The following PDE10A variants were observed in gnomAD, a reference collection of about 807,000 sequenced individuals.
PDE10A encodes cAMP and cAMP-inhibited cGMP 3',5'-cyclic phosphodiesterase 10A.
A neutral mutation model predicts 97.7 loss-of-function variants in PDE10A; 39 were observed. That is an observed-to-expected ratio of 0.40 (90% confidence interval 0.31 to 0.52). The LOEUF is 0.52. PDE10A is among the 20% of genes least tolerant of loss of function. PDE10A has a pLI of 0.56. For synonymous variants in PDE10A, 371 were observed against 376.8 expected (o/e 0.98, Z 0.18); for missense variants, 731 against 1,047.8 (o/e 0.70, Z 4.17).
intron 1 of PDE10A, among the ~76,000 whole-genome samples, chr6:165,915,396 C>T (rs747180984): frequency 6.6e-6 from 1 of 152,180 alleles, no homozygotes; most frequent in South Asian, 2.1e-4. Flanking sequence ...GTACTGCACA[C>T]GAATGCTACA....
chr6:165,444,951 A>G (rs1451563326), intron 5 of PDE10A, among the ~76,000 whole-genome samples: 4 of 151,636 alleles, frequency 2.6e-5, no homozygotes, highest in Non-Finnish European at 5.9e-5. Context: ...TTCTCAGTCT[A>G]TTTGTGTTTT....
At chr6:165,871,457 GA>G (rs1562775878) in intron 1 of PDE10A, among the ~76,000 whole-genome samples, 1 of 152,188 alleles carries the variant, frequency 6.6e-6, no homozygotes, top group Non-Finnish European at 1.5e-5. Flanking sequence ...AATGCAGGGG[GA>G]CAGGAGAGAG....
chr6:165,532,955 A>T (rs1284373140), intron 2 of PDE10A, among the ~76,000 whole-genome samples: 3 of 152,178 alleles, frequency 2.0e-5, no homozygotes, highest in Non-Finnish European at 4.4e-5. Context: ...TAGCACAAGA[A>T]ATACTACTCT....
chr6:165,922,198 T>C (rs1284977218), intron 1 of PDE10A, among the ~76,000 whole-genome samples: 2 of 152,048 alleles, frequency 1.3e-5, no homozygotes, highest in African/African-American at 2.4e-5. Context: ...AAGGCTGAGA[T>C]TAAGAAAAAA....
intron 1 of PDE10A, among the ~76,000 whole-genome samples, chr6:165,914,644 G>A (rs1175643366): frequency 6.6e-6 from 1 of 152,202 alleles, no homozygotes; most frequent in Non-Finnish European, 1.5e-5. Context: ...GATGAGATAC[G>A]TGAACCATCC....
At chr6:165,859,986 C>T (rs1780853870) in intron 1 of PDE10A, among the ~76,000 whole-genome samples, 1 of 152,046 alleles carries the variant, frequency 6.6e-6, no homozygotes, top group African/African-American at 2.4e-5. Context: ...GGGAGCTAAG[C>T]CATGAGAATG....
chr6:165,698,164 C>A (rs2128443121), intron 1 of PDE10A, among the ~76,000 whole-genome samples: 1 of 152,232 alleles, frequency 6.6e-6, no homozygotes, highest in South Asian at 2.1e-4. Context: ...CTCCCATAAA[C>A]CCTAGGGAGA....
At chr6:165,478,514 T>C (rs897790214) in intron 3 of PDE10A, among the ~76,000 whole-genome samples, 2 of 152,190 alleles carry the variant, frequency 1.3e-5, no homozygotes, top group African/African-American at 4.8e-5. Flanking sequence ...AACAGACTTT[T>C]TGTAGCTATA....
chr6:165,953,895 A>G (rs572855068), intron 1 of PDE10A, among the ~76,000 whole-genome samples: 1 of 152,240 alleles, frequency 6.6e-6, no homozygotes, highest in South Asian at 2.1e-4. Context: ...TTGTCCTCAA[A>G]TTCCCCTGTG....
rs536601532 is a variant in PDE10A, at chr6:165,883,712, C to T, written c.-615+103817G>A. Among the ~76,000 whole-genome samples, 85 of 152,044 alleles carry T rather than the reference C, an allele frequency of 5.6e-4. 1 individual carries two copies. The South Asian group carries it at 0.016, about 29-fold the overall frequency. On this transcript the variant is annotated intron_variant, in intron 1 of 19. Coordinates refer to the PDE10A transcript ENST00000366882. ...CGGGCTTGCTGGGATCCTCGCACAC[C>T]CCACTGAGGTGCTGTGAGCCTGAGA...
At chr6:165,562,393 T>C (rs1178963506) in intron 1 of PDE10A, among the ~76,000 whole-genome samples, 1 of 152,168 alleles carries the variant, frequency 6.6e-6, no homozygotes, top group Non-Finnish European at 1.5e-5. Flanking sequence ...AAGACACTAG[T>C]ATTAGCTCTT....
At chr6:165,723,851 T>TA (rs1188881224) in intron 1 of PDE10A, among the ~76,000 whole-genome samples, 1 of 150,780 alleles carries the variant, frequency 6.6e-6, no homozygotes, top group African/African-American at 2.4e-5. Context: ...ATAAAGGTGT[T>TA]TTTTTTTTTA....
At chr6:165,831,371 CAAAAAAAA>C (rs760962725) in intron 1 of PDE10A, among the ~76,000 whole-genome samples, 17 of 44,798 alleles carry the variant, frequency 3.8e-4, no homozygotes, top group African/African-American at 1.5e-3. Context: ...GACTCTGTCT[CAAAAAAAA>C]AAAAAAAAAA....
At chr6:165,506,206 A>G (rs1411190587) in intron 2 of PDE10A, among the ~76,000 whole-genome samples, 1 of 152,168 alleles carries the variant, frequency 6.6e-6, no homozygotes, top group Non-Finnish European at 1.5e-5. Context: ...TTTCACAGAC[A>G]TTCCTTTCTA....
At chr6:165,517,407 AATT>A (rs1367499160) in intron 2 of PDE10A, among the ~76,000 whole-genome samples, 1 of 152,196 alleles carries the variant, frequency 6.6e-6, no homozygotes, top group Non-Finnish European at 1.5e-5. Flanking sequence ...CAGTTAAAGC[AATT>A]AGGACCCAGT....
chr6:165,409,903 T>TC (rs1787600718), intron 13 of PDE10A, among the ~76,000 whole-genome samples: 1 of 151,762 alleles, frequency 6.6e-6, no homozygotes, highest in Admixed American at 6.6e-5. Flanking sequence ...TTTTTTTTTT[T>TC]TCTGTGTGGT....
At chr6:165,966,013 G>T (rs940474477) in intron 1 of PDE10A, among the ~76,000 whole-genome samples, 1 of 152,216 alleles carries the variant, frequency 6.6e-6, no homozygotes, top group Admixed American at 6.5e-5. Flanking sequence ...GGGAATCACC[G>T]TCATCGGAAA....
chr6:165,418,626 T>A lies in PDE10A; in HGVS notation c.1796+9A>T, dbSNP rs77122094. 23,077 of 1,610,734 alleles carry A rather than the reference T, an allele frequency of 0.014. 193 individuals are homozygous for A. Among genetic ancestry groups the A allele is most frequent in the Non-Finnish European group, 0.017 (20,471 of 1,179,368 alleles). On this transcript the variant is annotated intron_variant, in intron 11 of 21. Transcript: ENST00000539869. This position sits in a 1 kb window ranked among gnomAD's most constrained non-coding sequence, Gnocchi z 4.8. The stretch of plus-strand genomic sequence containing the variant: ...GTAAGAGGATAGGACATTCTACTTC[T>A]AGCTGTACCTTATCTCTTTGGTCTT...
chr6:165,870,363 T>C (rs541060252), intron 1 of PDE10A, among the ~76,000 whole-genome samples: 1 of 152,170 alleles, frequency 6.6e-6, no homozygotes, highest in South Asian at 2.1e-4. Context: ...TCAAGATCAC[T>C]AATCATTGTG....
Sources: allele counts gnomAD v4.1 joint callset (sites outside exome capture counted in the v4.1 genomes callset), GRCh38; gene constraint gnomAD v4.1.1; non-coding constraint Gnocchi (gnomAD v3.1); transcripts MANE v1.5; gene names NCBI Gene and HGNC (gene_info 2026-07-23, HGNC 2026-07-21).